Variants in CARD8 observed in about 807,000 individuals in gnomAD.
CARD8 encodes the protein caspase recruitment domain family member 8.
In CARD8, 38 loss-of-function variants were observed where a neutral mutation model predicts 53.2. The observed-to-expected ratio is 0.71, with a 90% CI of 0.55 to 0.94. CARD8 has a LOEUF of 0.94. Among genes scored for constraint, CARD8 ranks in the 40% least tolerant of loss-of-function variants. The pLI is 0.00. For missense variants in CARD8, 561 were observed against 655.5 expected (o/e 0.86, Z 1.57); for synonymous variants, 245 against 244.9 (o/e 1.00, Z 0.00).
Position 48,218,353 on chromosome 19 carries a change from CTTT to C in CARD8, c.1303+515_1303+517del, listed in dbSNP as rs770280304. On this transcript the variant is annotated intron_variant, in intron 12 of 13. Coordinates refer to ENST00000651546, the MANE Select transcript of CARD8 (RefSeq NM_001184900.3). ...GCACGCATTAGCTATTTATCTTCTT[CTTT>C]TTTTTTTTTTTTTTTTTTCAGATGG... 1.4e-3 allele frequency among the ~76,000 whole-genome samples: 152 copies of C among 109,038 alleles called. 1 individual carries two copies. Among genetic ancestry groups the C allele is most frequent in the Admixed American group, 5.0e-3 (42 of 8,404 alleles). 71.5% of individuals were successfully genotyped at this position (109,038 alleles called of 152,430 possible).
chr19:48,233,139 G>A, intron 6 of CARD8: 1 of 353,162 alleles, frequency 2.8e-6, no homozygotes, highest in Non-Finnish European at 5.5e-6. Flanking sequence ...TCTGGAGGTG[G>A]CACCAAAGCA....
At chr19:48,236,633 G>C (rs1255880342) in intron 5 of CARD8, among the ~76,000 whole-genome samples, 1 of 152,178 alleles carries the variant, frequency 6.6e-6, no homozygotes, top group Non-Finnish European at 1.5e-5. Flanking sequence ...GCAAGACTGA[G>C]GAATTCCTGT....
At chr19:48,254,000 CAT>C (rs1219448627) in intron 1 of CARD8, among the ~76,000 whole-genome samples, 1 of 152,224 alleles carries the variant, frequency 6.6e-6, no homozygotes, top group African/African-American at 2.4e-5. Flanking sequence ...AGAGGAAACA[CAT>C]AGCATACATA....
At chr19:48,232,778 G>A (rs1440838967) in intron 6 of CARD8, 1 of 595,342 alleles carries the variant, frequency 1.7e-6, no homozygotes, top group Admixed American at 2.1e-5. Flanking sequence ...TCTTAGACTG[G>A]GCGGATCTAG....
chr19:48,220,033 T>C (rs1459129891), intron 11 of CARD8, among the ~76,000 whole-genome samples: 1 of 152,238 alleles, frequency 6.6e-6, no homozygotes, highest in Admixed American at 6.5e-5. Context: ...CTATGTTGTA[T>C]CATTCTGGAT....
chr19:48,227,443 G>A (rs2042007837), intron 10 of CARD8, among the ~76,000 whole-genome samples: 2 of 152,112 alleles, frequency 1.3e-5, no homozygotes, highest in South Asian at 2.1e-4. Flanking sequence ...TTCAGCCCTG[G>A]AAACTCAATA....
intron 5 of CARD8, among the ~76,000 whole-genome samples, chr19:48,237,303 C>G (rs1009959575): frequency 6.6e-6 from 1 of 151,862 alleles, no homozygotes; most frequent in Non-Finnish European, 1.5e-5. Context: ...GGAGGTGCCA[C>G]ACACTTTTAA....
At position 48,238,472 on chromosome 19, in the gene CARD8, C is replaced by T. The variant is rs889422047; in HGVS notation, c.120G>A (p.Arg40=). 2.0e-6 allele frequency: 3 copies of T among 1,536,240 alleles called. No individual in the cohort carries two copies. Among genetic ancestry groups the T allele is most frequent in the African/African-American group, 2.7e-5 (2 of 73,046 alleles). Residue 40 remains arginine (R), a synonymous_variant, in exon 5 of 14, where the codon CGG becomes CGA. Transcript: ENST00000651546. ...GTATGCTATTGTCAACCAACAGTTT[C>T]CGTGATCCTTGTAGTCTAATGAGTT... ...ASKLIRLQGS[R]KLLVDNSIRE...
chr19:48,223,445 T>C (rs940219089), intron 10 of CARD8, among the ~76,000 whole-genome samples: 1 of 151,880 alleles, frequency 6.6e-6, no homozygotes, highest in Non-Finnish European at 1.5e-5. Flanking sequence ...GAAACTATGA[T>C]GGGGGTAAGG....
intron 1 of CARD8, among the ~76,000 whole-genome samples, chr19:48,255,274 G>C (rs2161100): frequency 6.6e-6 from 1 of 152,092 alleles, no homozygotes; most frequent in African/African-American, 2.4e-5. Flanking sequence ...ACTGAGGCAC[G>C]AGAATCGCTT....
downstream of CARD8, among the ~76,000 whole-genome samples, chr19:48,207,741 T>TTTC (rs1480351514): frequency 3.1e-4 from 31 of 100,726 alleles, no homozygotes; most frequent in East Asian, 1.3e-3. Flanking sequence ...TCTGTTTTTT[T>TTTC]TTTTTTTTTT....
intron 1 of CARD8, among the ~76,000 whole-genome samples, chr19:48,250,478 CTTTA>C (rs751566557): frequency 2.6e-4 from 39 of 152,190 alleles, no homozygotes; most frequent in Admixed American, 5.9e-4. Context: ...GCTTTCCTGG[CTTTA>C]TTTGTCAGGG....
At chr19:48,248,350 T>A (rs1036902548) in intron 3 of CARD8, among the ~76,000 whole-genome samples, 19 of 152,146 alleles carry the variant, frequency 1.2e-4, no homozygotes, top group African/African-American at 4.1e-4. Flanking sequence ...CCCTGTCATT[T>A]AAAAAAAATT....
chr19:48,220,958 G>A (rs200424218), intron 11 of CARD8, among the ~76,000 whole-genome samples: 3,167 of 72,372 alleles, frequency 0.044, 145 homozygotes, highest in African/African-American at 0.15. Flanking sequence ...GAAAGGAAAG[G>A]AAGGAAGGAA....
At chr19:48,213,782 C>T (rs1359721121) in intron 13 of CARD8, among the ~76,000 whole-genome samples, 1 of 152,200 alleles carries the variant, frequency 6.6e-6, no homozygotes, top group Non-Finnish European at 1.5e-5. Flanking sequence ...ACAACAGCCC[C>T]ACCGTTCCCC....
At position 48,232,780 on chromosome 19, in the gene CARD8, CG is replaced by C. The variant is rs1402784919; in HGVS notation, c.351-288del. 6.8e-6 allele frequency: 4 copies of C among 588,008 alleles called. No homozygotes were observed. The Admixed American group carries it at 8.6e-5, about 13-fold the overall frequency. 36.4% of individuals were successfully genotyped at this position (588,008 alleles called of 1,614,324 possible). On this transcript the variant is annotated intron_variant, in intron 6 of 13. Coordinates refer to ENST00000651546, the MANE Select transcript of CARD8 (RefSeq NM_001184900.3). ...TCACAGAAAGTTCTCTTAGACTGGG[CG>C]GATCTAGACTATCAAGAAATAGAAG...
intron 12 of CARD8, among the ~76,000 whole-genome samples, chr19:48,218,204 A>AT (rs1308041749): frequency 1.3e-5 from 2 of 149,024 alleles, no homozygotes; most frequent in Admixed American, 6.7e-5. Flanking sequence ...TATTCAAACT[A>AT]TTTTTTTTAA....
At chr19:48,228,796 G>A (rs940303329) in intron 10 of CARD8, among the ~76,000 whole-genome samples, 1 of 152,152 alleles carries the variant, frequency 6.6e-6, no homozygotes, top group Non-Finnish European at 1.5e-5. Flanking sequence ...CCACATAAGG[G>A]AAGAGGGAAA....
At chr19:48,204,231 T>C, downstream of CARD8, 1 of 455,240 alleles carries the variant, frequency 2.2e-6, no homozygotes, top group South Asian at 1.6e-5. Flanking sequence ...AGGTTGGCGT[T>C]GCCACAGTAA....
Sources: allele counts gnomAD v4.1 joint callset (sites outside exome capture counted in the v4.1 genomes callset), GRCh38; gene constraint gnomAD v4.1.1; transcripts MANE v1.5; gene names NCBI Gene and HGNC (gene_info 2026-07-23, HGNC 2026-07-21).